The following TLE2 variants were observed in gnomAD, a reference collection of about 807,000 sequenced individuals.
The protein encoded by TLE2 is transducin-like enhancer protein 2.
TLE2 carries 74 observed loss-of-function variants against 97.2 expected under a neutral mutation model. The ratio of observed to expected loss-of-function variants is 0.76; its 90% CI spans 0.63 to 0.92. The LOEUF (loss-of-function observed/expected upper bound fraction) is 0.92. Ranked by LOEUF, TLE2 falls within the 40% of genes least tolerant of loss-of-function variation. The pLI is 0.00. For missense variants in TLE2, 1,038 were observed against 1,008.7 expected, an observed-to-expected ratio of 1.03 and a Z score of -0.39; for synonymous variants, 499 against 432.1, an observed-to-expected ratio of 1.15 and a Z score of -1.92.
chr19:3,025,756 G>C, intron 4 of TLE2: 1 of 282,106 alleles, frequency 3.5e-6, no homozygotes, highest in East Asian at 1.8e-4. Context: ...GGCGAAGTCT[G>C]TGTCTCCTAT....
At chr19:3,036,263 T>A (rs1385547081) in intron 1 of TLE2, among the ~76,000 whole-genome samples, 1 of 152,160 alleles carries the variant, frequency 6.6e-6, no homozygotes, top group Non-Finnish European at 1.5e-5. Flanking sequence ...AGAAAAAGAC[T>A]ACGATTCCCA....
intron 16 of TLE2, 29 bp downstream of exon 16, chr19:3,005,692 C>G: frequency 6.2e-7 from 1 of 1,608,862 alleles, no homozygotes; most frequent in Non-Finnish European, 8.5e-7. Context: ...CGGGGGCTTG[C>G]CCAAGGTCCC....
intron 19 of TLE2, 59 bp from the exon 20 acceptor site, chr19:2,998,014 G>C: frequency 2.4e-6 from 3 of 1,262,116 alleles, no homozygotes; most frequent in Non-Finnish European, 3.4e-6. Context: ...ACAGATGGGT[G>C]TGTGGGCAAG....
chr19:3,017,724 T>C, intron 8 of TLE2, 116 bp downstream of exon 8: 2 of 960,646 alleles, frequency 2.1e-6, no homozygotes, highest in South Asian at 1.8e-5. Flanking sequence ...AGTGCTGGGA[T>C]CAAAGGCGTG....
chr19:3,004,666 T>C (rs978827209), intron 17 of TLE2, among the ~76,000 whole-genome samples: 3 of 150,256 alleles, frequency 2.0e-5, no homozygotes, highest in African/African-American at 7.4e-5. Context: ...TAGCTCCTCT[T>C]AGGTTTCAAG....
chr19:3,046,276 C>G (rs1200837248), upstream of TLE2, among the ~76,000 whole-genome samples: 1 of 152,224 alleles, frequency 6.6e-6, no homozygotes, highest in Non-Finnish European at 1.5e-5. Context: ...TATTTTCTCC[C>G]CCAAGACTGC....
intron 17 of TLE2, among the ~76,000 whole-genome samples, chr19:3,004,598 C>T (rs1325001411): frequency 1.5e-5 from 2 of 137,050 alleles, no homozygotes; most frequent in Non-Finnish European, 3.1e-5. Context: ...GAGATCACAA[C>T]ACAGCAACTC....
At chr19:3,006,069 T>C (rs1358076671) in intron 15 of TLE2, 101 bp from the exon 16 acceptor site, 1 of 1,414,710 alleles carries the variant, frequency 7.1e-7, no homozygotes, top group African/African-American at 1.4e-5. Context: ...TGTAGCCTCA[T>C]CCTGATTAGC....
In TLE2 at chr19:3,019,681, G is replaced by T. The variant is rs539018650; in HGVS notation, c.369+18C>A. The T allele has an allele frequency of 8.1e-6, 13 of 1,602,534 alleles. No homozygotes were observed. Among genetic ancestry groups the T allele is most frequent in the East Asian group, 2.3e-5 (1 of 44,226 alleles). On this transcript the variant is annotated intron_variant, in intron 6 of 19. Transcript: ENST00000262953. The surrounding 1 kb of genome is among the most constrained non-coding windows in gnomAD (Gnocchi z 5.1). ...GTGGGCGTCTCCCCATGGCGGGGCA[G>T]GGGCTAGAGAGACTCACCCCGATGA...
intron 1 of TLE2, among the ~76,000 whole-genome samples, chr19:3,042,457 G>C (rs2090112104): frequency 1.4e-5 from 2 of 144,658 alleles, no homozygotes; most frequent in African/African-American, 5.2e-5. Flanking sequence ...AGGTTTGCAG[G>C]GGGAGGTCAG....
chr19:3,018,435 G>A (rs2089761780), intron 7 of TLE2, among the ~76,000 whole-genome samples: 3 of 151,220 alleles, frequency 2.0e-5, no homozygotes, highest in African/African-American at 7.3e-5. Context: ...TCAGATTACA[G>A]GCACCCACCA....
At chr19:3,006,216 G>T (rs2089473167) in intron 15 of TLE2, 1 of 1,008,852 alleles carries the variant, frequency 9.9e-7, no homozygotes, top group Non-Finnish European at 1.5e-6. Context: ...TGATTGTCTT[G>T]CAAGTCCAAT....
intron 17 of TLE2, 35 bp from the exon 18 acceptor site, chr19:3,002,538 C>A (rs2089386070): frequency 6.5e-7 from 1 of 1,540,218 alleles, no homozygotes; most frequent in East Asian, 2.5e-5. Context: ...GGGTCACGAG[C>A]CCCTCTTTGT....
upstream of TLE2, among the ~76,000 whole-genome samples, chr19:3,033,331 C>T (rs1036628265): frequency 6.6e-6 from 1 of 152,126 alleles, no homozygotes; most frequent in African/African-American, 2.4e-5. Flanking sequence ...CCACGCCCAG[C>T]TAATTTTTTG....
In TLE2 at chr19:3,028,382, G is replaced by A. The variant is rs1463711207; in HGVS notation, c.123C>T (p.Ser41=). The part of the protein sequence containing the change: ...EFQFLQAQYH[S]LKLECEKLAS... Reference sequence around the variant, plus strand: ...CCAGCTTCTCACATTCTAGCTTGAGGCTGAGAAGAAGAGAGAGGGCAAGGG... The same window carrying A: ...CCAGCTTCTCACATTCTAGCTTGAGACTGAGAAGAAGAGAGAGGGCAAGGG... Residue 41 remains serine (S), a splice_region_variant and synonymous_variant, in exon 3 of 20, where the codon AGC becomes AGT. Coordinates refer to ENST00000262953, the MANE Select transcript of TLE2 (RefSeq NM_003260.5). 1.2e-6 allele frequency: 2 copies of A among 1,604,382 alleles called. No homozygotes were observed. Among genetic ancestry groups the A allele is most frequent in the East Asian group, 2.2e-5 (1 of 44,650 alleles).
At chr19:3,020,004 C>G in intron 5 of TLE2, 1 of 601,096 alleles carries the variant, frequency 1.7e-6, no homozygotes, top group Admixed American at 3.1e-5. Flanking sequence ...CAAATCAGGC[C>G]GGGCATGGTG....
At chr19:3,011,381 GA>G (rs1185919461) in intron 11 of TLE2, among the ~76,000 whole-genome samples, 1 of 151,574 alleles carries the variant, frequency 6.6e-6, no homozygotes, top group African/African-American at 2.4e-5. Context: ...TACAAAAAAA[GA>G]TTAGCCGGGC....
At chr19:3,006,128 C>T (rs767576094) in intron 15 of TLE2, 160 bp from the exon 16 acceptor site, 3 of 991,854 alleles carry the variant, frequency 3.0e-6, no homozygotes, top group Non-Finnish European at 4.8e-6. Flanking sequence ...CTTTGACCTG[C>T]AAACACTGCC....
intron 19 of TLE2, among the ~76,000 whole-genome samples, chr19:2,998,727 C>G (rs148749484): frequency 3.7e-4 from 57 of 152,250 alleles, no homozygotes; most frequent in African/African-American, 1.3e-3. Context: ...GACTTGTTTT[C>G]TACAGACAGG....
Sources: allele counts gnomAD v4.1 joint callset (sites outside exome capture counted in the v4.1 genomes callset), GRCh38; gene constraint gnomAD v4.1.1; non-coding constraint Gnocchi (gnomAD v3.1); transcripts MANE v1.5; gene names NCBI Gene and HGNC (gene_info 2026-07-23, HGNC 2026-07-21).